Variants in LAMA2 observed in about 807,000 individuals in gnomAD.
The protein encoded by LAMA2 is laminin subunit alpha 2.
A neutral mutation model predicts 364.8 loss-of-function variants in LAMA2; 269 were observed. That is an observed-to-expected ratio of 0.74 (90% CI 0.67 to 0.82). The LOEUF (loss-of-function observed/expected upper bound fraction) is 0.82. Ranked by LOEUF, LAMA2 falls within the 40% of genes least tolerant of loss-of-function variation. The pLI, the probability that LAMA2 is intolerant of heterozygous loss-of-function variation, is 0.00. For missense variants in LAMA2, 3,807 were observed against 3,873.2 expected (o/e 0.98, Z 0.45); for synonymous variants, 1,379 against 1,370.6 (o/e 1.01, Z -0.14).
At chr6:129,049,827 G>A (rs988413173) in intron 1 of LAMA2, 91 bp from the exon 2 acceptor site, 9 of 1,203,448 alleles carry the variant, frequency 7.5e-6, no homozygotes, top group South Asian at 2.5e-5. Context: ...TTAATGCTCC[G>A]AAAAATATTT....
At chr6:129,043,251 C>G (rs1170302591) in intron 1 of LAMA2, among the ~76,000 whole-genome samples, 1 of 152,090 alleles carries the variant, frequency 6.6e-6, no homozygotes, top group Non-Finnish European at 1.5e-5. Context: ...CTCTCACCCA[C>G]CATTTCTTTA....
chr6:129,374,046 G>A (rs1019455641), intron 34 of LAMA2, among the ~76,000 whole-genome samples: 2 of 152,146 alleles, frequency 1.3e-5, no homozygotes. Context: ...GGTTGAGAAG[G>A]GGGAGGAAAT....
At chr6:129,510,592 A>G (rs1365870964) in intron 62 of LAMA2, among the ~76,000 whole-genome samples, 2 of 152,286 alleles carry the variant, frequency 1.3e-5, no homozygotes, top group African/African-American at 4.8e-5. Flanking sequence ...TCTTTCTATC[A>G]AGAATATATT....
chr6:129,323,599 A>G (rs1023298741), intron 28 of LAMA2, among the ~76,000 whole-genome samples: 4 of 152,152 alleles, frequency 2.6e-5, no homozygotes, highest in Admixed American at 2.0e-4. Flanking sequence ...TTGGTGTTGG[A>G]GCCATTGAGT....
At chr6:129,022,230 GC>G (rs751594607) in intron 1 of LAMA2, among the ~76,000 whole-genome samples, 42 of 152,290 alleles carry the variant, frequency 2.8e-4, no homozygotes, top group Middle Eastern at 3.4e-3. Context: ...AGAAAAGAAA[GC>G]AATCTTTCAA....
intron 6 of LAMA2, among the ~76,000 whole-genome samples, chr6:129,147,358 C>T (rs571376396): frequency 4.8e-4 from 71 of 148,404 alleles, no homozygotes; most frequent in African/African-American, 1.7e-3. Context: ...CTTTAGAGAA[C>T]GCCTGCCATC....
chr6:129,040,974 T>G (rs1787047646), intron 1 of LAMA2, among the ~76,000 whole-genome samples: 1 of 152,192 alleles, frequency 6.6e-6, no homozygotes. Context: ...TTTAGAGTAG[T>G]GAGAAGAGTG....
rs200615399 is a variant in LAMA2 at position 129,237,311 on chromosome 6, C to T, written c.1783-12801C>T. 1.2e-4 allele frequency among the ~76,000 whole-genome samples: 17 copies of T among 144,202 alleles called. No individual in the cohort carries two copies. In the East Asian group the frequency reaches 2.6e-3, roughly 22 times the overall value. The allele number at this position is 144,202 out of a possible 152,430, so 94.6% of individuals were successfully genotyped here. A position where few individuals can be genotyped will look rare whatever the true frequency, so the allele number is the denominator to read the frequency against. On this transcript the variant is annotated intron_variant, in intron 12 of 64. Coordinates refer to ENST00000421865, the MANE Select transcript of LAMA2 (RefSeq NM_000426.4). ...CATTTTCAATATTTTTTACTACAAA[C>T]GTTGTTATACATTGTTTTTCTGTTG...
At position 129,315,746 on chromosome 6, in the gene LAMA2, C is replaced by G. The variant is rs1774557535; in HGVS notation, c.3736-16C>G. On this transcript the variant is annotated splice_polypyrimidine_tract_variant and intron_variant, in intron 25 of 64. Coordinates refer to ENST00000421865, the MANE Select transcript of LAMA2 (RefSeq NM_000426.4). ...GAGATTTATCCAATTCCTCATTCTT[C>G]TTTTTATTTTGTCAGTTGATGGCCT... The G allele has an allele frequency of 6.2e-7, 1 of 1,613,642 alleles. No individual in the cohort carries two copies. Among genetic ancestry groups the G allele is most frequent in the African/African-American group, 1.3e-5 (1 of 75,032 alleles).
chr6:129,321,559 A>T (rs1056868329), intron 28 of LAMA2, among the ~76,000 whole-genome samples: 2 of 152,180 alleles, frequency 1.3e-5, no homozygotes, highest in African/African-American at 4.8e-5. Context: ...ACAGCATACC[A>T]GTTAGATATT....
chr6:129,216,922 G>A (rs1783460876), intron 12 of LAMA2, among the ~76,000 whole-genome samples: 1 of 152,152 alleles, frequency 6.6e-6, no homozygotes, highest in South Asian at 2.1e-4. Flanking sequence ...TGGGCGTGGG[G>A]GCTCATGCCT....
intron 9 of LAMA2, among the ~76,000 whole-genome samples, chr6:129,173,097 G>A (rs1379930624): frequency 1.3e-5 from 2 of 152,150 alleles, no homozygotes; most frequent in East Asian, 1.9e-4. Flanking sequence ...AGATGAACCC[G>A]GTACCTCAGA....
chr6:129,186,166 A>T (rs1483061913), intron 10 of LAMA2, among the ~76,000 whole-genome samples: 3 of 151,748 alleles, frequency 2.0e-5, no homozygotes, highest in Non-Finnish European at 4.4e-5. Flanking sequence ...AAAAATTTTT[A>T]TTAAATTATG....
At chr6:129,234,547 C>T (rs1031131174) in intron 12 of LAMA2, among the ~76,000 whole-genome samples, 17 of 151,858 alleles carry the variant, frequency 1.1e-4, no homozygotes, top group African/African-American at 3.4e-4. Flanking sequence ...GGAATTTTTT[C>T]ATAATAAGAA....
At chr6:129,273,618 T>G (rs1050668167) in intron 17 of LAMA2, among the ~76,000 whole-genome samples, 1 of 152,140 alleles carries the variant, frequency 6.6e-6, no homozygotes, top group Non-Finnish European at 1.5e-5. Flanking sequence ...TTATTTGTTG[T>G]GCATTTACTT....
In LAMA2 at chr6:129,206,082, G is replaced by GAA. The variant is rs534387823; in HGVS notation, c.1782+13230_1782+13231insAA. Among the ~76,000 whole-genome samples the GAA allele has an allele frequency of 1.2e-4, 15 of 122,114 alleles. 1 individual carries two copies. The highest frequency in any genetic ancestry group is 4.4e-4 in the African/African-American group (14 of 31,668). 80.1% of individuals were successfully genotyped at this position (122,114 alleles called of 152,430 possible). A position where few individuals can be genotyped will look rare whatever the true frequency, so the allele number is the denominator to read the frequency against. ...GAAGGGAAGGGAAAGGAAAGGAAAG[G>GAA]AGGAAGGAAGGGAGGGAGGGAGGGA... is the stretch of plus-strand genomic sequence containing the variant. On this transcript the variant is annotated intron_variant, in intron 12 of 64. Coordinates refer to ENST00000421865, the MANE Select transcript of LAMA2 (RefSeq NM_000426.4).
At chr6:128,945,153 G>A (rs990564608) in intron 1 of LAMA2, among the ~76,000 whole-genome samples, 18 of 152,214 alleles carry the variant, frequency 1.2e-4, no homozygotes, top group Admixed American at 9.8e-4. Flanking sequence ...GAAAATATCA[G>A]TAAGAAGAAG....
intron 20 of LAMA2, among the ~76,000 whole-genome samples, chr6:129,294,038 C>A (rs548762928): frequency 6.6e-6 from 1 of 152,176 alleles, no homozygotes; most frequent in East Asian, 1.9e-4. Flanking sequence ...AAGAGGTTTC[C>A]TGGGGGAAAG....
chr6:129,314,429 C>T (rs1448308041), intron 23 of LAMA2, among the ~76,000 whole-genome samples: 1 of 135,448 alleles, frequency 7.4e-6, no homozygotes, highest in Non-Finnish European at 1.6e-5. Flanking sequence ...AGTACAATAC[C>T]TTTAGTCTTA....
Sources: gnomAD v4.1 joint callset for allele counts (sites outside exome capture counted in the v4.1 genomes callset) on GRCh38, gnomAD v4.1.1 for gene constraint, MANE v1.5 for transcripts, NCBI Gene and HGNC (gene_info 2026-07-23, HGNC 2026-07-21) for gene names.